Variants in FBN1 observed in about 807,000 individuals in gnomAD.
FBN1 encodes the protein fibrillin 1, also known as fibrillin-1.
FBN1 carries 29 observed loss-of-function variants against 365.1 expected under a neutral mutation model. That is an observed-to-expected ratio of 0.08 (90% CI 0.06 to 0.11). FBN1 has a LOEUF of 0.11. Ranked by LOEUF, FBN1 falls within the 10% of genes least tolerant of loss-of-function variation. FBN1 has a pLI of 1.00. For missense variants in FBN1, 2,476 were observed against 3,703.2 expected (o/e 0.67, Z 8.60); for synonymous variants, 1,210 against 1,270.5 (o/e 0.95, Z 1.01).
intron 6 of FBN1, among the ~76,000 whole-genome samples, chr15:48,560,547 A>G (rs2044215450): frequency 6.6e-6 from 1 of 152,076 alleles, no homozygotes; most frequent in South Asian, 2.1e-4. Context: ...TTAGGTGCAG[A>G]GTTTGTGCTA....
Position 48,644,848 on chromosome 15 carries a change from C to G in FBN1, c.-79G>C, listed in dbSNP as rs532402715. 3.8e-6 allele frequency: 5 copies of G among 1,311,932 alleles called. No homozygotes were observed. The highest frequency in any genetic ancestry group is 4.9e-6 in the Non-Finnish European group (5 of 1,029,942). 81.3% of individuals were successfully genotyped at this position (1,311,932 alleles called of 1,614,324 possible). On this transcript the variant is annotated 5_prime_UTR_variant, in exon 2 of 66. Transcript: ENST00000316623. The stretch of plus-strand genomic sequence containing the variant: ...CTGCGGCCGCCGCTGCGCCCTGAAG[C>G]GCACCGCGCCGCCGGGGTCCCGCTA...
At chr15:48,470,173 T>C (rs1483208031) in intron 36 of FBN1, among the ~76,000 whole-genome samples, 1 of 151,974 alleles carries the variant, frequency 6.6e-6, no homozygotes, top group East Asian at 1.9e-4. Flanking sequence ...ATTTATACAC[T>C]AGAGATAGGT....
chr15:48,489,198 A>G (rs1416603227), intron 25 of FBN1, among the ~76,000 whole-genome samples: 1 of 115,854 alleles, frequency 8.6e-6, no homozygotes, highest in Non-Finnish European at 1.7e-5. Context: ...CCATGCCTAG[A>G]TATTTTTTTT....
chr15:48,464,831 T>G (rs1363997355), intron 40 of FBN1, among the ~76,000 whole-genome samples: 1 of 152,208 alleles, frequency 6.6e-6, no homozygotes, highest in African/African-American at 2.4e-5. Context: ...ATGAAGGAGT[T>G]GATTCTAATC....
intron 6 of FBN1, among the ~76,000 whole-genome samples, chr15:48,539,456 C>T (rs1429333927): frequency 6.6e-6 from 1 of 152,190 alleles, no homozygotes; most frequent in Non-Finnish European, 1.5e-5. Flanking sequence ...TTATGTCCCA[C>T]TCACAGGATG....
intron 17 of FBN1, among the ~76,000 whole-genome samples, chr15:48,501,240 T>C (rs1238082157): frequency 2.0e-5 from 3 of 152,172 alleles, no homozygotes; most frequent in African/African-American, 2.4e-5. Flanking sequence ...TAAGAGGTGA[T>C]TAGGTCGTGA....
At chr15:48,459,637 T>C (rs1297301433) in intron 43 of FBN1, among the ~76,000 whole-genome samples, 1 of 152,218 alleles carries the variant, frequency 6.6e-6, no homozygotes, top group African/African-American at 2.4e-5. Context: ...GTTATTTGGT[T>C]TTAAACCACA....
intron 18 of FBN1, 23 bp from the exon 19 acceptor site, chr15:48,497,414 A>C: frequency 6.3e-7 from 1 of 1,599,328 alleles, no homozygotes; most frequent in Non-Finnish European, 8.6e-7. Context: ...AAAGGTCAAA[A>C]TCAATTAAGA....
chr15:48,565,483 G>A (rs1044359371), intron 6 of FBN1, among the ~76,000 whole-genome samples: 2 of 152,014 alleles, frequency 1.3e-5, no homozygotes, highest in Non-Finnish European at 2.9e-5. Flanking sequence ...ACACAATCAT[G>A]TGTTAGTTAA....
chr15:48,554,716 G>C (rs1353036892), intron 6 of FBN1, among the ~76,000 whole-genome samples: 1 of 152,120 alleles, frequency 6.6e-6, no homozygotes, highest in Non-Finnish European at 1.5e-5. Context: ...AATTGAAAAA[G>C]TATGACAAAT....
At chr15:48,445,268 G>C in intron 48 of FBN1, 108 bp downstream of exon 48, 1 of 1,212,464 alleles carries the variant, frequency 8.2e-7, no homozygotes, top group Non-Finnish European at 1.2e-6. Context: ...ATTCTACTCT[G>C]ACTTTTCCTC....
intron 6 of FBN1, among the ~76,000 whole-genome samples, chr15:48,589,390 C>T (rs1459324545): frequency 1.3e-5 from 2 of 152,100 alleles, no homozygotes; most frequent in Non-Finnish European, 2.9e-5. Context: ...CACATATGTG[C>T]AGCCTGCGAG....
chr15:48,640,047 C>T (rs1890171521), intron 2 of FBN1, among the ~76,000 whole-genome samples: 1 of 152,078 alleles, frequency 6.6e-6, no homozygotes. Flanking sequence ...GTATATGCTA[C>T]ACAAGACGAT....
rs539422242 is a variant in FBN1 at position 48,485,650 on chromosome 15, TG to T, written c.3590-155del. 5.9e-5 allele frequency among the ~76,000 whole-genome samples: 9 copies of T among 152,306 alleles called. No homozygotes were observed. The South Asian group carries it at 1.9e-3, about 32-fold the overall frequency. On this transcript the variant is annotated intron_variant, in intron 29 of 65. Coordinates refer to ENST00000316623, the MANE Select transcript of FBN1 (RefSeq NM_000138.5). ...TCCTATGAGGGCTCTACCCTCATGG[TG>T]GGATCGGTGCTGTTATAAAAGATCA...
chr15:48,618,290 C>G (rs917818895), intron 2 of FBN1, among the ~76,000 whole-genome samples: 2 of 152,084 alleles, frequency 1.3e-5, no homozygotes, highest in Non-Finnish European at 2.9e-5. Context: ...AATGAGCTGC[C>G]TGTATTGTGA....
intron 53 of FBN1, among the ~76,000 whole-genome samples, chr15:48,436,640 A>T (rs1366750318): frequency 6.6e-6 from 1 of 152,244 alleles, no homozygotes; most frequent in African/African-American, 2.4e-5. Flanking sequence ...TTTTTAAAAA[A>T]TTTCACAAAG....
chr15:48,501,454 C>T (rs923776348), intron 17 of FBN1, among the ~76,000 whole-genome samples: 2 of 152,178 alleles, frequency 1.3e-5, no homozygotes, highest in Admixed American at 1.3e-4. Flanking sequence ...TTGGACTTCC[C>T]AGGCTCCAGA....
chr15:48,619,842 C>T (rs1172412209), intron 2 of FBN1, among the ~76,000 whole-genome samples: 1 of 151,170 alleles, frequency 6.6e-6, no homozygotes, highest in Non-Finnish European at 1.5e-5. Context: ...TATAACAAAC[C>T]TGCACATGTA....
intron 50 of FBN1, 89 bp from the exon 51 acceptor site, chr15:48,438,006 T>C (rs2043086591): frequency 3.7e-6 from 5 of 1,349,556 alleles, no homozygotes; most frequent in Middle Eastern, 1.8e-4. Flanking sequence ...CACTATGTTA[T>C]ATATGTTCTC....
Sources: gnomAD v4.1 joint callset for allele counts (sites outside exome capture counted in the v4.1 genomes callset) on GRCh38, gnomAD v4.1.1 for gene constraint, MANE v1.5 for transcripts, NCBI Gene and HGNC (gene_info 2026-07-23, HGNC 2026-07-21) for gene names.